The following ARFIP1 variants were observed in gnomAD, a reference collection of about 807,000 sequenced individuals.
ARFIP1 encodes ARF interacting protein 1, also known as arfaptin-1.
In ARFIP1, 24 loss-of-function variants were observed where a neutral mutation model predicts 42.5. The observed-to-expected ratio is 0.57, with a 90% CI of 0.41 to 0.80. The LOEUF is 0.80. Among genes scored for constraint, ARFIP1 ranks in the 30% least tolerant of loss-of-function variants. The pLI is 0.00. For synonymous variants in ARFIP1, 141 were observed against 153.7 expected (o/e 0.92, Z 0.61); for missense variants, 354 against 434.0 (o/e 0.82, Z 1.64).
chr4:152,804,213 T>TATATATAACATAACATGTATTATATATA (rs1728729248), intron 1 of ARFIP1, among the ~76,000 whole-genome samples: 1 of 36,908 alleles, frequency 2.7e-5, no homozygotes, highest in African/African-American at 8.9e-5. Flanking sequence ...TATTATATAT[T>TATATATAACATAACATGTATTATATATA]ATATATAATA....
chr4:152,883,885 T>C (rs920103171), intron 7 of ARFIP1, among the ~76,000 whole-genome samples: 8 of 151,878 alleles, frequency 5.3e-5, no homozygotes, highest in African/African-American at 1.9e-4. Context: ...ATACTTTTTA[T>C]GCATAGTTGA....
intron 1 of ARFIP1, among the ~76,000 whole-genome samples, chr4:152,784,665 C>T (rs928259390): frequency 3.3e-5 from 5 of 152,194 alleles, no homozygotes; most frequent in African/African-American, 1.2e-4. Flanking sequence ...TTCGTCACTT[C>T]GTGACCTCAG....
At chr4:152,848,199 G>A (rs1269807218) in intron 2 of ARFIP1, among the ~76,000 whole-genome samples, 1 of 152,156 alleles carries the variant, frequency 6.6e-6, no homozygotes, top group Non-Finnish European at 1.5e-5. Context: ...TGTACCAAAA[G>A]CTTATGTGAT....
chr4:152,825,298 A>G lies in ARFIP1; in HGVS notation c.-9-4327A>G, dbSNP rs1418662121. On this transcript the variant is annotated intron_variant, in intron 1 of 8. Coordinates refer to ENST00000353617, the MANE Select transcript of ARFIP1 (RefSeq NM_001025595.3). Reference sequence around the variant, plus strand: ...GAGGCATCACATTACCCCACTTCAAACTATACTATAAGGCTATAGTAAACC... The same window carrying G: ...GAGGCATCACATTACCCCACTTCAAGCTATACTATAAGGCTATAGTAAACC... Among the ~76,000 whole-genome samples the G allele has an allele frequency of 1.2e-4, 18 of 152,188 alleles. 1 individual carries two copies. The highest frequency in any genetic ancestry group is 1.2e-3 in the Admixed American group (18 of 15,284).
At chr4:152,870,093 A>T (rs1375615322) in intron 3 of ARFIP1, among the ~76,000 whole-genome samples, 1 of 152,204 alleles carries the variant, frequency 6.6e-6, no homozygotes. Context: ...TCACCTGGGG[A>T]AATCTTATGA....
chr4:152,798,775 T>TAG (rs1282032806), intron 1 of ARFIP1, among the ~76,000 whole-genome samples: 4 of 152,268 alleles, frequency 2.6e-5, no homozygotes, highest in African/African-American at 9.6e-5. Context: ...GAGCTGGAAC[T>TAG]AGAGTTTACT....
At chr4:152,901,491 C>T (rs1737827557) in intron 8 of ARFIP1, among the ~76,000 whole-genome samples, 1 of 152,112 alleles carries the variant, frequency 6.6e-6, no homozygotes, top group Non-Finnish European at 1.5e-5. Context: ...ACAGATGTTG[C>T]CGTAGTGGTT....
At chr4:152,836,067 T>A (rs187634832) in intron 2 of ARFIP1, among the ~76,000 whole-genome samples, 1 of 152,190 alleles carries the variant, frequency 6.6e-6, no homozygotes, top group Admixed American at 6.5e-5. Context: ...ATCTCCAACA[T>A]TGAGAATCAC....
intron 1 of ARFIP1, among the ~76,000 whole-genome samples, chr4:152,793,897 A>C (rs985965435): frequency 2.6e-5 from 4 of 151,890 alleles, no homozygotes; most frequent in African/African-American, 9.7e-5. Flanking sequence ...TTTCCATGTT[A>C]CTCTTCACTA....
chr4:152,792,209 G>T (rs1337396756), intron 1 of ARFIP1, among the ~76,000 whole-genome samples: 2 of 152,132 alleles, frequency 1.3e-5, no homozygotes, highest in African/African-American at 4.8e-5. Context: ...TCACCAGTCA[G>T]AAGTTCTTGA....
intron 1 of ARFIP1, among the ~76,000 whole-genome samples, chr4:152,804,061 CAT>C (rs1296649404): frequency 7.2e-5 from 8 of 111,872 alleles, no homozygotes; most frequent in Admixed American, 4.4e-4. Flanking sequence ...TATAATATAA[CAT>C]GTAATATATA....
At chr4:152,820,224 C>T (rs1349453645) in intron 1 of ARFIP1, among the ~76,000 whole-genome samples, 3 of 151,942 alleles carry the variant, frequency 2.0e-5, no homozygotes, top group African/African-American at 7.3e-5. Context: ...TGCAGTATTG[C>T]ATTTACCCAC....
intron 2 of ARFIP1, among the ~76,000 whole-genome samples, chr4:152,832,906 TAAA>T (rs1165759352): frequency 6.6e-6 from 1 of 152,150 alleles, no homozygotes; most frequent in African/African-American, 2.4e-5. Context: ...CAAAATAAAT[TAAA>T]AGCCTAACTG....
rs560700406 is a variant in ARFIP1 at position 152,879,183 on chromosome 4, TA to T, written c.412-1767del. Among the ~76,000 whole-genome samples the T allele has an allele frequency of 8.3e-3, 1,193 of 143,090 alleles. 4 individuals carry two copies. Among genetic ancestry groups the T allele is most frequent in the African/African-American group, 0.013 (526 of 39,314 alleles). 93.9% of individuals were successfully genotyped at this position (143,090 alleles called of 152,430 possible). A position where few individuals can be genotyped will look rare whatever the true frequency, so the allele number is the denominator to read the frequency against. The stretch of plus-strand genomic sequence containing the variant: ...CTTTTAAAAAATAACACTCTTTTGT[TA>T]AAAAAAAAAAAAGTTTATAAGGCTC... On this transcript the variant is annotated intron_variant, in intron 5 of 8. Coordinates refer to ENST00000353617, the MANE Select transcript of ARFIP1 (RefSeq NM_001025595.3).
intron 1 of ARFIP1, among the ~76,000 whole-genome samples, chr4:152,784,139 TG>T (rs1730661226): frequency 1.3e-5 from 2 of 152,182 alleles, no homozygotes; most frequent in East Asian, 3.9e-4. Flanking sequence ...TTGTACAGAA[TG>T]GAAAGTGAGT....
At chr4:152,880,901 C>T in intron 5 of ARFIP1, 62 bp from the exon 6 acceptor site, 1 of 1,345,914 alleles carries the variant, frequency 7.4e-7, no homozygotes, top group Non-Finnish European at 1.1e-6. Flanking sequence ...ATGCCATATG[C>T]TCTAGCATTT....
intron 2 of ARFIP1, among the ~76,000 whole-genome samples, chr4:152,831,697 T>G (rs1731251332): frequency 6.6e-6 from 1 of 152,240 alleles, no homozygotes; most frequent in Non-Finnish European, 1.5e-5. Flanking sequence ...GTGTACTCTT[T>G]TTCAACTGGC....
intron 1 of ARFIP1, among the ~76,000 whole-genome samples, chr4:152,822,296 T>TAAAAAAAAAAAAAAAAAAAAAAAG (rs1730447161): frequency 1.5e-5 from 1 of 65,580 alleles, no homozygotes; most frequent in Admixed American, 1.7e-4. Flanking sequence ...GCAACAGCAG[T>TAAAAAAAAAAAAAAAAAAAAAAAG]AAAAAAAAAA....
chr4:152,854,170 C>T (rs1459681472), intron 2 of ARFIP1, among the ~76,000 whole-genome samples: 1 of 152,154 alleles, frequency 6.6e-6, no homozygotes, highest in Non-Finnish European at 1.5e-5. Context: ...GCCTCAGCCT[C>T]TCAAAGTGCT....
Sources: allele counts gnomAD v4.1 joint callset (sites outside exome capture counted in the v4.1 genomes callset), GRCh38; gene constraint gnomAD v4.1.1; transcripts MANE v1.5; gene names NCBI Gene and HGNC (gene_info 2026-07-23, HGNC 2026-07-21).